ERICH3: variants seen among roughly 807,000 people sequenced by gnomAD.
The protein encoded by ERICH3 is glutamate rich 3.
In ERICH3, 126 loss-of-function variants were observed where a neutral mutation model predicts 131.1. The ratio of observed to expected loss-of-function variants is 0.96; its 90% confidence interval spans 0.83 to 1.11. The LOEUF (loss-of-function observed/expected upper bound fraction) is 1.11. ERICH3 is among the 50% of genes most tolerant of loss of function. The pLI, the probability that ERICH3 is intolerant of heterozygous loss-of-function variation, is 0.00. For missense variants in ERICH3, 2,050 were observed against 1,810.7 expected, an observed-to-expected ratio of 1.13 and a Z score of -2.40; for synonymous variants, 695 against 644.6, an observed-to-expected ratio of 1.08 and a Z score of -1.18.
intron 11 of ERICH3, among the ~76,000 whole-genome samples, chr1:74,591,302 G>A (rs3885148): frequency 0.017 from 2,557 of 152,266 alleles, 32 homozygotes; most frequent in Middle Eastern, 0.031. Context: ...AATCAAGGGA[G>A]ATATTTCAAG....
At chr1:74,646,889 GAC>G (rs141577300) in intron 2 of ERICH3, 97 bp from the exon 3 acceptor site, 3,441 of 245,246 alleles carry the variant, frequency 0.014, no homozygotes, top group East Asian at 0.065. Context: ...AAGACAGACA[GAC>G]ACACACACAC....
intron 1 of ERICH3, among the ~76,000 whole-genome samples, chr1:74,652,305 A>G (rs1009906612): frequency 4.0e-5 from 6 of 151,764 alleles, no homozygotes; most frequent in African/African-American, 1.5e-4. Context: ...GACCATCAAG[A>G]CTCCTTTCCA....
At chr1:74,581,413 G>A (rs1404030217) in intron 12 of ERICH3, among the ~76,000 whole-genome samples, 1 of 151,982 alleles carries the variant, frequency 6.6e-6, no homozygotes, top group Non-Finnish European at 1.5e-5. Flanking sequence ...GTTCTTTGAG[G>A]CTATAGTGAG....
At chr1:74,640,778 G>A (rs1347167259) in intron 5 of ERICH3, among the ~76,000 whole-genome samples, 1 of 152,040 alleles carries the variant, frequency 6.6e-6, no homozygotes, top group Non-Finnish European at 1.5e-5. Context: ...TATGTGCACA[G>A]ACTTTTAATA....
chr1:74,671,906 A>G (rs1646746716), intron 1 of ERICH3, among the ~76,000 whole-genome samples: 1 of 152,176 alleles, frequency 6.6e-6, no homozygotes, highest in Non-Finnish European at 1.5e-5. Context: ...ACTTTTCAGG[A>G]GCTTACCATT....
Position 74,606,587 on chromosome 1 carries a change from G to A in ERICH3, c.1489+14C>T. On this transcript the variant is annotated intron_variant, in intron 10 of 14. Coordinates refer to ENST00000326665, the MANE Select transcript of ERICH3 (RefSeq NM_001002912.5). ...GCCACAGCTACAACAAAAGAAACTT[G>A]TGTTGTTGATTACCATATTTTAAAG... 2 of 1,578,914 alleles carry A rather than the reference G, an allele frequency of 1.3e-6. No homozygotes were observed. The highest frequency in any genetic ancestry group is 1.7e-6 in the Non-Finnish European group (2 of 1,161,834).
Position 74,572,880 on chromosome 1 carries a change from C to T in ERICH3, c.2830G>A (p.Glu944Lys), listed in dbSNP as rs756562855. Reference protein sequence around the residue: ...EGGVAVSDVGESEEEASIDLE... With the variant: ...EGGVAVSDVGKSEEEASIDLE... Reference sequence around the variant, plus strand: ...TCTATGGATGCTTCCTCTTCACTTTCTCCGACATCACTCACAGCCACCCCA... The same window carrying T: ...TCTATGGATGCTTCCTCTTCACTTTTTCCGACATCACTCACAGCCACCCCA... The change falls in exon 14 of 15, where the codon GAA (glutamate) becomes AAA (lysine). Residue 944 changes from glutamate to lysine, a missense_variant. Glu to Lys is a moderately conservative substitution (Grantham distance 56). Transcript: ENST00000326665. The T allele has an allele frequency of 1.0e-4, 167 of 1,613,884 alleles. 1 individual carries two copies. Among genetic ancestry groups the T allele is most frequent in the Non-Finnish European group, 1.3e-4 (155 of 1,180,034 alleles).
Position 74,577,116 on chromosome 1 carries a change from A to G in ERICH3, c.2177-180T>C, listed in dbSNP as rs920362128. The G allele has an allele frequency of 1.7e-5, 9 of 536,146 alleles. No individual in the cohort carries two copies. The South Asian group carries it at 2.4e-4, about 14-fold the overall frequency. 33.2% of individuals were successfully genotyped at this position (536,146 alleles called of 1,614,324 possible). On this transcript the variant is annotated intron_variant, in intron 12 of 14. Coordinates refer to ENST00000326665, the MANE Select transcript of ERICH3 (RefSeq NM_001002912.5). Reference sequence around the variant, plus strand: ...ATTCCTACCAGTATTGTATAATCTAATGTTCTTTTATTTAATCCTAGACAT... The same window carrying G: ...ATTCCTACCAGTATTGTATAATCTAGTGTTCTTTTATTTAATCCTAGACAT...
At chr1:74,622,011 T>C (rs2100612203) in intron 7 of ERICH3, 1 of 152,322 alleles carries the variant, frequency 6.6e-6, no homozygotes. Context: ...AGGCAGTAAT[T>C]TGAGCTGATT....
chr1:74,604,335 C>T (rs1648286756), intron 10 of ERICH3, among the ~76,000 whole-genome samples: 1 of 151,876 alleles, frequency 6.6e-6, no homozygotes, highest in South Asian at 2.1e-4. Context: ...CTCCTCAAAG[C>T]CACCTGTGAG....
At chr1:74,623,856 C>T (rs774037711) in intron 7 of ERICH3, 4 of 152,194 alleles carry the variant, frequency 2.6e-5, no homozygotes, top group South Asian at 2.1e-4. Context: ...TGCAATTTCT[C>T]ATGCTACATT....
chr1:74,597,319 A>G (rs1286189694), intron 11 of ERICH3, among the ~76,000 whole-genome samples: 1 of 152,058 alleles, frequency 6.6e-6, no homozygotes, highest in Non-Finnish European at 1.5e-5. Flanking sequence ...TGGAGTAAAA[A>G]AAAACCATAA....
At chr1:74,656,538 T>C (rs1237536402) in intron 1 of ERICH3, among the ~76,000 whole-genome samples, 6 of 152,174 alleles carry the variant, frequency 3.9e-5, no homozygotes, top group African/African-American at 1.4e-4. Context: ...CCTTATAAGA[T>C]ACATGACCCT....
In ERICH3 at chr1:74,673,490, C is replaced by T. The variant is rs766142615; in HGVS notation, c.23+7G>A. 6.2e-7 allele frequency: 1 copy of T among 1,612,886 alleles called. No individual in the cohort carries two copies. The highest frequency in any genetic ancestry group is 1.7e-4 in the Middle Eastern group (1 of 6,054). On this transcript the variant is annotated splice_region_variant and intron_variant, in intron 1 of 14. Coordinates refer to ENST00000326665, the MANE Select transcript of ERICH3 (RefSeq NM_001002912.5). The stretch of plus-strand genomic sequence containing the variant: ...CACAGCGTGGAAAAGCTCCAGTTGT[C>T]ACTTACCCAGCGGGGTGAGAATGGC...
chr1:74,601,636 T>G (rs1648136686), intron 10 of ERICH3, among the ~76,000 whole-genome samples: 1 of 151,860 alleles, frequency 6.6e-6, no homozygotes, highest in South Asian at 2.1e-4. Context: ...AAGGTAAGGT[T>G]AGCTACAGAA....
chr1:74,571,970 T>A lies in ERICH3; in HGVS notation c.3740A>T (p.Asp1247Val), dbSNP rs776149547. The A allele has an allele frequency of 2.5e-6, 4 of 1,613,966 alleles. No homozygotes were observed. The highest frequency in any genetic ancestry group is 3.4e-6 in the Non-Finnish European group (4 of 1,180,024). ...TGQAEELAAK[D>V]HDSCAGLEGR... ...CTCCAGTCCTGCGCAGGAGTCGTGATCTTTGGCTGCTAGCTCCTCTGCCTG... is the reference window on the plus strand; with the variant it reads ...CTCCAGTCCTGCGCAGGAGTCGTGAACTTTGGCTGCTAGCTCCTCTGCCTG... Residue 1247 changes from aspartate (D) to valine (V), a missense_variant, in exon 14 of 15, where the codon GAT (aspartate) becomes GTT (valine). By Grantham distance (152) the Asp-to-Val change is radical. Coordinates refer to ENST00000326665, the MANE Select transcript of ERICH3 (RefSeq NM_001002912.5).
rs537704104 is a variant in ERICH3, at chr1:74,578,058, A to G, written c.2177-1122T>C. The G allele has an allele frequency of 2.0e-5, 3 of 152,354 alleles. No homozygotes were observed. In the South Asian group the frequency reaches 6.2e-4, roughly 32 times the overall value. The allele number at this position is 152,354 out of a possible 1,614,324, so 9.4% of individuals were successfully genotyped here. On this transcript the variant is annotated intron_variant, in intron 12 of 14. Coordinates refer to ENST00000326665, the MANE Select transcript of ERICH3 (RefSeq NM_001002912.5). ...CTGTTATCTGTAGTTGGTTACTAGCATAGACTTCAGGATCACAGAGACCTA... is the reference window on the plus strand; with the variant it reads ...CTGTTATCTGTAGTTGGTTACTAGCGTAGACTTCAGGATCACAGAGACCTA...
chr1:74,665,730 A>G (rs982019749), intron 1 of ERICH3, among the ~76,000 whole-genome samples: 1 of 152,120 alleles, frequency 6.6e-6, no homozygotes, highest in African/African-American at 2.4e-5. Context: ...CACCAGTCAC[A>G]TTGGATTAGG....
At chr1:74,612,850 T>C in intron 8 of ERICH3, 41 bp from the exon 9 acceptor site, 1 of 1,482,516 alleles carries the variant, frequency 6.7e-7, no homozygotes, top group Non-Finnish European at 9.3e-7. Flanking sequence ...AGCAACTGAC[T>C]TCGGACTAAC....
Sources: gnomAD v4.1 joint callset for allele counts (sites outside exome capture counted in the v4.1 genomes callset) on GRCh38, gnomAD v4.1.1 for gene constraint, MANE v1.5 for transcripts, NCBI Gene and HGNC (gene_info 2026-07-23, HGNC 2026-07-21) for gene names.